Variants in METTL15 observed in about 807,000 individuals in gnomAD.
METTL15 encodes the protein 12S rRNA N(4)-cytidine methyltransferase METTL15.
A neutral mutation model predicts 38.3 loss-of-function variants in METTL15; 34 were observed. The observed-to-expected ratio is 0.89, with a 90% CI of 0.68 to 1.18. METTL15 has a LOEUF of 1.18. Ranked by LOEUF, METTL15 falls within the 50% of genes most tolerant of loss-of-function variation. The pLI, the probability that METTL15 is intolerant of heterozygous loss-of-function variation, is 0.00. For missense variants in METTL15, 438 were observed against 498.4 expected (o/e 0.88, Z 1.15); for synonymous variants, 162 against 170.9 (o/e 0.95, Z 0.41).
intron 3 of METTL15, among the ~76,000 whole-genome samples, chr11:28,341,864 A>G (rs1199979818): frequency 6.6e-6 from 1 of 152,124 alleles, no homozygotes; most frequent in Non-Finnish European, 1.5e-5. Flanking sequence ...ACCACCCTCT[A>G]TCACCACACC....
At chr11:28,254,329 T>C (rs556755888) in intron 4 of METTL15, among the ~76,000 whole-genome samples, 4 of 152,312 alleles carry the variant, frequency 2.6e-5, no homozygotes, top group African/African-American at 9.6e-5. Flanking sequence ...TATCGGATTA[T>C]TAGATTTTTT....
intron 6 of METTL15, among the ~76,000 whole-genome samples, chr11:28,454,922 G>A (rs545544813): frequency 7.1e-4 from 108 of 152,304 alleles, no homozygotes; most frequent in African/African-American, 2.5e-3. Context: ...GGAGGATGAG[G>A]AAGATTGCCT....
chr11:28,174,387 T>C (rs183894275), intron 3 of METTL15, among the ~76,000 whole-genome samples: 3 of 152,326 alleles, frequency 2.0e-5, no homozygotes, highest in East Asian at 3.9e-4. Flanking sequence ...TAATACCGCA[T>C]TGTTTTATTT....
intron 6 of METTL15, among the ~76,000 whole-genome samples, chr11:28,485,821 G>A (rs1200448260): frequency 6.6e-6 from 1 of 152,128 alleles, no homozygotes; most frequent in Non-Finnish European, 1.5e-5. Flanking sequence ...AGTGCAGGCT[G>A]ATTCAGTTCC....
chr11:28,435,453 T>C (rs1243645830), intron 6 of METTL15, among the ~76,000 whole-genome samples: 1 of 152,170 alleles, frequency 6.6e-6, no homozygotes, highest in Non-Finnish European at 1.5e-5. Flanking sequence ...AGATGGGAAA[T>C]GTTCTTTGAT....
intron 5 of METTL15, among the ~76,000 whole-genome samples, chr11:28,388,001 CTTTTGTGA>C (rs1850458298): frequency 6.6e-6 from 1 of 151,736 alleles, no homozygotes; most frequent in Non-Finnish European, 1.5e-5. Flanking sequence ...ACTCAACACA[CTTTTGTGA>C]TAAAAATACT....
downstream of METTL15, among the ~76,000 whole-genome samples, chr11:28,529,259 C>T (rs1488211860): frequency 6.6e-6 from 1 of 152,094 alleles, no homozygotes; most frequent in Non-Finnish European, 1.5e-5. Flanking sequence ...AGACCGCAGC[C>T]TTGTGTCAGC....
At chr11:28,348,472 A>G (rs1206168951) in intron 3 of METTL15, among the ~76,000 whole-genome samples, 2 of 152,260 alleles carry the variant, frequency 1.3e-5, no homozygotes, top group South Asian at 2.1e-4. Context: ...GACTCAAGCA[A>G]TCTTCTCAAC....
chr11:28,380,019 G>A (rs890523465), intron 5 of METTL15, among the ~76,000 whole-genome samples: 13 of 151,960 alleles, frequency 8.6e-5, no homozygotes, highest in African/African-American at 3.1e-4. Context: ...TATAAATGTA[G>A]CTATTCCTGC....
chr11:28,299,813 A>G lies in METTL15; in HGVS notation c.778+2882A>G, dbSNP rs1312518020. 3.9e-5 allele frequency among the ~76,000 whole-genome samples: 6 copies of G among 152,270 alleles called. No individual in the cohort carries two copies. The East Asian group carries it at 1.2e-3, about 29-fold the overall frequency. ...ACTTGAAGTCTGAAATCAAGATGTT[A>G]GAAGGGAGCTAGAGGAGAATCCTTC... On this transcript the variant is annotated intron_variant, in intron 6 of 6. Coordinates refer to ENST00000407364, the MANE Select transcript of METTL15 (RefSeq NM_001113528.2).
intron 3 of METTL15, among the ~76,000 whole-genome samples, chr11:28,165,359 T>C (rs1230170550): frequency 6.6e-6 from 1 of 152,184 alleles, no homozygotes; most frequent in African/African-American, 2.4e-5. Flanking sequence ...TTTTTCATCT[T>C]CTTGTTAATA....
At chr11:28,476,550 G>C (rs1590387916) in intron 6 of METTL15, among the ~76,000 whole-genome samples, 2 of 152,168 alleles carry the variant, frequency 1.3e-5, no homozygotes, top group Admixed American at 6.5e-5. Flanking sequence ...GACCTTAGAG[G>C]CTTATTTATT....
chr11:28,387,277 T>A (rs1850450344), intron 5 of METTL15, among the ~76,000 whole-genome samples: 2 of 151,868 alleles, frequency 1.3e-5, no homozygotes, highest in Admixed American at 1.3e-4. Flanking sequence ...TGCTGTTTTG[T>A]TGAAAAGAGC....
At position 28,315,406 on chromosome 11, in the gene METTL15, G is replaced by A. The variant is rs562253628; in HGVS notation, c.779-14990G>A. Among the ~76,000 whole-genome samples the A allele has an allele frequency of 2.6e-3, 395 of 152,300 alleles. 1 individual carries two copies. Among genetic ancestry groups the A allele is most frequent in the Non-Finnish European group, 4.3e-3 (293 of 68,030 alleles). On this transcript the variant is annotated intron_variant, in intron 6 of 6. Coordinates refer to ENST00000407364, the MANE Select transcript of METTL15 (RefSeq NM_001113528.2). ...TCAAACTTGAGAGAGATGATTTAGC[G>A]TACCTGGGGGAAGAAATTTCTAAGC... is the stretch of plus-strand genomic sequence containing the variant.
intron 3 of METTL15, among the ~76,000 whole-genome samples, chr11:28,159,973 GGAGATTAGCATTT>G (rs1337223293): frequency 6.6e-6 from 1 of 152,058 alleles, no homozygotes; most frequent in Non-Finnish European, 1.5e-5. Flanking sequence ...TATTGCCAAA[GGAGATTAGCATTT>G]GAGTCGGTGA....
intron 5 of METTL15, among the ~76,000 whole-genome samples, chr11:28,391,166 C>A (rs1320574657): frequency 6.6e-6 from 1 of 152,028 alleles, no homozygotes; most frequent in Non-Finnish European, 1.5e-5. Flanking sequence ...ACAATCATGT[C>A]ATCTGCAAAC....
intron 6 of METTL15, chr11:28,327,708 C>G (rs1849683868): frequency 6.3e-6 from 1 of 157,648 alleles, no homozygotes; most frequent in African/African-American, 2.4e-5. Flanking sequence ...GTCTAACAAA[C>G]TTTAATGTCA....
At chr11:28,129,159 A>G (rs1203439111) in intron 3 of METTL15, among the ~76,000 whole-genome samples, 1 of 152,324 alleles carries the variant, frequency 6.6e-6, no homozygotes, top group Admixed American at 6.5e-5. Flanking sequence ...TCCTCTGTCA[A>G]ACACTTGAGG....
intron 4 of METTL15, among the ~76,000 whole-genome samples, chr11:28,241,397 G>A (rs1158014141): frequency 6.6e-6 from 1 of 152,024 alleles, no homozygotes; most frequent in African/African-American, 2.4e-5. Context: ...AGCTGGGCAT[G>A]GTGGCGGGCG....
Sources: gnomAD v4.1 joint callset for allele counts (sites outside exome capture counted in the v4.1 genomes callset) on GRCh38, gnomAD v4.1.1 for gene constraint, MANE v1.5 for transcripts, NCBI Gene and HGNC (gene_info 2026-07-23, HGNC 2026-07-21) for gene names.